The following RPH3A variants were observed in gnomAD, a reference collection of about 807,000 sequenced individuals.
The protein encoded by RPH3A is rabphilin 3A, also known as rabphilin-3A.
RPH3A carries 48 observed loss-of-function variants against 102.2 expected under a neutral mutation model. The ratio of observed to expected loss-of-function variants is 0.47; its 90% CI spans 0.37 to 0.60. The LOEUF is 0.60. RPH3A is among the 20% of genes least tolerant of loss of function. The probability of loss-of-function intolerance (pLI) is 0.00; values close to 1 mark genes in which losing one functional copy is unlikely to be tolerated. For synonymous variants in RPH3A, 310 were observed against 324.3 expected, an observed-to-expected ratio of 0.96 and a Z score of 0.47; for missense variants, 781 against 910.1, an observed-to-expected ratio of 0.86 and a Z score of 1.83.
intron 1 of RPH3A, among the ~76,000 whole-genome samples, chr12:112,601,865 T>C (rs2039561798): frequency 6.6e-6 from 1 of 152,156 alleles, no homozygotes; most frequent in African/African-American, 2.4e-5. Flanking sequence ...TGCTTGAGCC[T>C]GGGAGGTCCA....
intron 1 of RPH3A, among the ~76,000 whole-genome samples, chr12:112,576,007 G>A (rs1291625860): frequency 1.3e-5 from 2 of 152,194 alleles, no homozygotes; most frequent in Non-Finnish European, 2.9e-5. Context: ...GATGCACAAT[G>A]GGCCCAACTC....
chr12:112,697,780 G>A (rs1241237414), intron 1 of RPH3A, among the ~76,000 whole-genome samples: 4 of 152,056 alleles, frequency 2.6e-5, no homozygotes, highest in South Asian at 2.1e-4. Flanking sequence ...CATAAGAATC[G>A]CTTGAATCCA....
intron 1 of RPH3A, among the ~76,000 whole-genome samples, chr12:112,653,905 C>G (rs968315464): frequency 6.6e-6 from 1 of 151,940 alleles, no homozygotes; most frequent in Non-Finnish European, 1.5e-5. Context: ...ACTTTTTAAA[C>G]TTTTTTTTGT....
chr12:112,724,136 A>G (rs977729284), intron 1 of RPH3A, among the ~76,000 whole-genome samples: 4 of 150,378 alleles, frequency 2.7e-5, no homozygotes, highest in African/African-American at 9.8e-5. Flanking sequence ...GGCTCACTGA[A>G]GCCTCATCCT....
intron 1 of RPH3A, chr12:112,695,037 A>C (rs1832873889): frequency 5.9e-6 from 1 of 170,436 alleles, no homozygotes; most frequent in Non-Finnish European, 1.5e-5. Context: ...GATAAAATAC[A>C]GGAATCCTAG....
chr12:112,784,630 G>C (rs929281), intron 1 of RPH3A, among the ~76,000 whole-genome samples: 9,495 of 152,218 alleles, frequency 0.062, 515 homozygotes, highest in African/African-American at 0.15. Context: ...GTTCTGGGCC[G>C]TGAGAACTCA....
intron 2 of RPH3A, among the ~76,000 whole-genome samples, chr12:112,826,973 A>G (rs2041887843): frequency 6.6e-6 from 1 of 152,206 alleles, no homozygotes; most frequent in Non-Finnish European, 1.5e-5. Context: ...TATATACCTG[A>G]GTAGAATTCC....
At chr12:112,666,733 G>A (rs557992763) in intron 1 of RPH3A, among the ~76,000 whole-genome samples, 1 of 152,252 alleles carries the variant, frequency 6.6e-6, no homozygotes, top group Admixed American at 6.5e-5. Context: ...AATGGGGAAA[G>A]GGAAGGGTCT....
chr12:112,806,437 C>T (rs1056336226), intron 2 of RPH3A, among the ~76,000 whole-genome samples: 1 of 152,070 alleles, frequency 6.6e-6, no homozygotes, highest in African/African-American at 2.4e-5. Context: ...GAATTTGAGA[C>T]CAGTTTGGCC....
intron 1 of RPH3A, among the ~76,000 whole-genome samples, chr12:112,587,204 T>C (rs1310012204): frequency 6.6e-6 from 1 of 152,270 alleles, no homozygotes; most frequent in Non-Finnish European, 1.5e-5. Context: ...TGAAACCTCA[T>C]TGAGTCAACT....
At chr12:112,677,425 CCTTCCTT>C (rs2136013602) in intron 1 of RPH3A, among the ~76,000 whole-genome samples, 1 of 85,440 alleles carries the variant, frequency 1.2e-5, no homozygotes, top group Non-Finnish European at 2.3e-5. Flanking sequence ...CTCCTTCCTT[CCTTCCTT>C]CCTTCCTTCC....
chr12:112,684,920 C>A (rs1028125730), intron 1 of RPH3A, among the ~76,000 whole-genome samples: 1 of 152,160 alleles, frequency 6.6e-6, no homozygotes, highest in Non-Finnish European at 1.5e-5. Flanking sequence ...TTCTTCTCTA[C>A]GTCCCCACCT....
intron 1 of RPH3A, among the ~76,000 whole-genome samples, chr12:112,585,023 C>T (rs947698108): frequency 6.6e-6 from 1 of 152,146 alleles, no homozygotes; most frequent in African/African-American, 2.4e-5. Flanking sequence ...GTCAAAGGCT[C>T]GAGAGCCCCT....
intron 1 of RPH3A, among the ~76,000 whole-genome samples, chr12:112,763,293 A>T (rs1370462520): frequency 6.6e-6 from 1 of 152,234 alleles, no homozygotes; most frequent in Non-Finnish European, 1.5e-5. Flanking sequence ...AAATACTTGA[A>T]GAGATTTATT....
intron 7 of RPH3A, among the ~76,000 whole-genome samples, chr12:112,867,518 A>C (rs2042631673): frequency 6.6e-6 from 1 of 152,156 alleles, no homozygotes; most frequent in Non-Finnish European, 1.5e-5. Flanking sequence ...GGCTTGATGA[A>C]GGTGTTATTG....
chr12:112,721,792 G>A (rs2040553062), intron 1 of RPH3A, among the ~76,000 whole-genome samples: 1 of 151,980 alleles, frequency 6.6e-6, no homozygotes, highest in African/African-American at 2.4e-5. Flanking sequence ...GTAATCCCAA[G>A]TTACATATGA....
At chr12:112,586,262 A>G (rs2039438672) in intron 1 of RPH3A, among the ~76,000 whole-genome samples, 1 of 152,124 alleles carries the variant, frequency 6.6e-6, no homozygotes, top group South Asian at 2.1e-4. Context: ...AAATAAACCA[A>G]ATTCCAGTTC....
At chr12:112,686,278 C>G (rs970064457) in intron 1 of RPH3A, among the ~76,000 whole-genome samples, 1 of 152,192 alleles carries the variant, frequency 6.6e-6, no homozygotes, top group Non-Finnish European at 1.5e-5. Flanking sequence ...TTTCCCCCTT[C>G]TCTATCACAT....
At chr12:112,597,063 TCCCACCCAAA>T in intron 1 of RPH3A, among the ~76,000 whole-genome samples, 1 of 152,336 alleles carries the variant, frequency 6.6e-6, no homozygotes, top group Non-Finnish European at 1.5e-5. Flanking sequence ...ATTAACCTTC[TCCCACCCAAA>T]CTTTTTCCAT....
Sources: gnomAD v4.1 joint callset for allele counts (sites outside exome capture counted in the v4.1 genomes callset) on GRCh38, gnomAD v4.1.1 for gene constraint, MANE v1.5 for transcripts, NCBI Gene and HGNC (gene_info 2026-07-23, HGNC 2026-07-21) for gene names.